The following C12orf50 variants were observed in gnomAD, a reference collection of about 807,000 sequenced individuals.
The protein encoded by C12orf50 is uncharacterized protein C12orf50.
C12orf50 carries 35 observed loss-of-function variants against 61.6 expected under a neutral mutation model. The observed-to-expected ratio is 0.57, with a 90% CI of 0.43 to 0.75. The LOEUF is 0.75. Among genes scored for constraint, C12orf50 ranks in the 30% least tolerant of loss-of-function variants. The pLI, the probability that C12orf50 is intolerant of heterozygous loss-of-function variation, is 0.00. For synonymous variants in C12orf50, 178 were observed against 161.5 expected (o/e 1.10, Z -0.77); for missense variants, 475 against 488.5 (o/e 0.97, Z 0.26).
chr12:88,004,462 A>C (rs1339760539), intron 3 of C12orf50, among the ~76,000 whole-genome samples: 1 of 152,254 alleles, frequency 6.6e-6, no homozygotes, highest in African/African-American at 2.4e-5. Context: ...ATGTAAAATT[A>C]GTTCAGCCAT....
intron 3 of C12orf50, among the ~76,000 whole-genome samples, chr12:88,000,973 T>C (rs1442872521): frequency 6.6e-6 from 1 of 151,856 alleles, no homozygotes; most frequent in Non-Finnish European, 1.5e-5. Context: ...ATAGAGATAA[T>C]GTTGCTCTTT....
At chr12:87,994,581 C>A (rs2031294581) in intron 7 of C12orf50, 52 bp downstream of exon 7, 7 of 1,219,440 alleles carry the variant, frequency 5.7e-6, no homozygotes, top group Non-Finnish European at 8.3e-6. Flanking sequence ...AATTCAGACT[C>A]ATTTATTATG....
At chr12:88,024,332 T>A (rs1266425089) in intron 3 of C12orf50, among the ~76,000 whole-genome samples, 1 of 152,210 alleles carries the variant, frequency 6.6e-6, no homozygotes, top group Non-Finnish European at 1.5e-5. Flanking sequence ...TGTACCTGCA[T>A]GTTCATCACA....
rs1415318316 is a variant in C12orf50 at position 87,983,174 on chromosome 12, T to C, written c.1148A>G (p.Tyr383Cys). 4 of 1,601,318 alleles carry C rather than the reference T, an allele frequency of 2.5e-6. No individual in the cohort carries two copies. The highest frequency in any genetic ancestry group is 1.1e-5 in the South Asian group (1 of 88,984). The change falls in exon 12 of 13, where the codon TAT becomes TGT. Residue 383 changes from tyrosine to cysteine, a missense_variant. Physicochemically the swap from Tyr to Cys is radical, Grantham distance 194 (BLOSUM62 -2). Coordinates refer to ENST00000298699, the MANE Select transcript of C12orf50 (RefSeq NM_152589.3). ...TCGTTTTCGCCAGGCTGAATCATTA[T>C]ATGATGTTGACGTATATTTGTCTGA... ...LSPDKYTSTS[Y>C]NDSAWRKRIP...
At chr12:88,002,268 C>T (rs923932091) in intron 3 of C12orf50, among the ~76,000 whole-genome samples, 1 of 151,696 alleles carries the variant, frequency 6.6e-6, no homozygotes, top group South Asian at 2.1e-4. Flanking sequence ...TACATGTGTG[C>T]TATTTAATTT....
chr12:88,018,708 G>A (rs1478917202), intron 3 of C12orf50, among the ~76,000 whole-genome samples: 1 of 152,196 alleles, frequency 6.6e-6, no homozygotes, highest in Non-Finnish European at 1.5e-5. Context: ...CAAGACCATG[G>A]GACCCCACCT....
intron 3 of C12orf50, among the ~76,000 whole-genome samples, chr12:88,021,351 G>A (rs1386862584): frequency 1.3e-5 from 2 of 151,828 alleles, no homozygotes; most frequent in Non-Finnish European, 2.9e-5. Flanking sequence ...AAATGACAAA[G>A]GGAGGCCAGC....
intron 3 of C12orf50, among the ~76,000 whole-genome samples, chr12:88,011,517 G>A (rs1341797115): frequency 6.6e-6 from 1 of 152,082 alleles, no homozygotes; most frequent in African/African-American, 2.4e-5. Context: ...AAACAATTGA[G>A]TATTAATCTG....
rs939242815 is a variant in C12orf50 at position 87,989,523 on chromosome 12, C to T, written c.593-152G>A. The T allele has an allele frequency of 5.3e-6, 3 of 566,068 alleles. No individual in the cohort carries two copies. In the South Asian group the frequency reaches 7.0e-5, roughly 13 times the overall value. 35.1% of individuals were successfully genotyped at this position (566,068 alleles called of 1,614,324 possible). ...ATATCCATCTCCATACATTTATATG[C>T]TTAGATTAATACATGAGTATTAATA... On this transcript the variant is annotated intron_variant, in intron 7 of 12. Transcript: ENST00000298699.
In C12orf50 at chr12:87,996,577, T is replaced by C; in HGVS notation, c.359A>G (p.Tyr120Cys). The change falls in exon 5 of 13, where the codon TAT (tyrosine) becomes TGT (cysteine). Residue 120 changes from tyrosine to cysteine, a missense_variant. Physicochemically the swap from Tyr to Cys is radical, Grantham distance 194. Coordinates refer to ENST00000298699, the MANE Select transcript of C12orf50 (RefSeq NM_152589.3). The part of the protein sequence containing the change: ...EEKRAIKEMC[Y>C]KSGEYYRFHT... ...AATGTTTGATTTCTTACCAGATTTA[T>C]AACACATCTCCTTTATTGCTCTTTT... 6.2e-7 allele frequency: 1 copy of C among 1,608,282 alleles called. No homozygotes were observed.
chr12:88,010,652 T>G (rs2032074546), intron 3 of C12orf50, among the ~76,000 whole-genome samples: 1 of 151,704 alleles, frequency 6.6e-6, no homozygotes, highest in Admixed American at 6.6e-5. Flanking sequence ...AAAAATGTTG[T>G]AGTGGATATT....
At chr12:88,027,157 T>C (rs2032738943) in intron 1 of C12orf50, 87 bp from the exon 2 acceptor site, 8 of 1,306,112 alleles carry the variant, frequency 6.1e-6, no homozygotes, top group Non-Finnish European at 8.2e-6. Flanking sequence ...TTAAACGAAA[T>C]ATGAGTAGAT....
Position 87,983,172 on chromosome 12 carries a change from T to G in C12orf50, c.1150A>C (p.Asn384His). 1 of 1,601,636 alleles carries G rather than the reference T, an allele frequency of 6.2e-7. No homozygotes were observed. Among genetic ancestry groups the G allele is most frequent in the Non-Finnish European group, 8.5e-7 (1 of 1,172,896 alleles). Residue 384 changes from asparagine to histidine, a missense_variant, in exon 12 of 13, where the codon AAT becomes CAT. Physicochemically the swap from Asn to His is moderately conservative, Grantham distance 68. Coordinates refer to ENST00000298699, the MANE Select transcript of C12orf50 (RefSeq NM_152589.3). ...ATTCGTTTTCGCCAGGCTGAATCAT[T>G]ATATGATGTTGACGTATATTTGTCT... ...SPDKYTSTSYNDSAWRKRIPF... is the reference protein window; with the variant it reads ...SPDKYTSTSYHDSAWRKRIPF...
intron 1 of C12orf50, chr12:88,028,007 A>G (rs2032769884): frequency 6.6e-6 from 1 of 152,212 alleles, no homozygotes; most frequent in Non-Finnish European, 1.5e-5. Flanking sequence ...ATTGTCACAA[A>G]GTTAATACTT....
intron 3 of C12orf50, among the ~76,000 whole-genome samples, chr12:88,002,010 A>G (rs374930004): frequency 6.6e-6 from 1 of 151,432 alleles, no homozygotes; most frequent in East Asian, 1.9e-4. Flanking sequence ...TTCCTGCTTT[A>G]ATTTTTATTA....
Position 87,986,073 on chromosome 12 carries a change from G to C in C12orf50, c.923-20C>G, listed in dbSNP as rs375986894. 5.7e-5 allele frequency: 91 copies of C among 1,607,620 alleles called. No homozygotes were observed. The highest frequency in any genetic ancestry group is 7.6e-5 in the Non-Finnish European group (89 of 1,174,534). On this transcript the variant is annotated intron_variant, in intron 10 of 12. Coordinates refer to ENST00000298699, the MANE Select transcript of C12orf50 (RefSeq NM_152589.3). The stretch of plus-strand genomic sequence containing the variant: ...GTACTGCTGTAAAGAAAGGTGGGAG[G>C]GAGTGAGGAATAAAACAGGCTGGTT...
intron 3 of C12orf50, among the ~76,000 whole-genome samples, chr12:88,026,258 G>A (rs2032702926): frequency 6.6e-6 from 1 of 152,148 alleles, no homozygotes; most frequent in Admixed American, 6.5e-5. Flanking sequence ...ATCCATTTTA[G>A]ATACACATAG....
intron 3 of C12orf50, among the ~76,000 whole-genome samples, chr12:88,025,422 G>A (rs893527315): frequency 2.0e-5 from 3 of 152,122 alleles, no homozygotes; most frequent in Admixed American, 6.5e-5. Context: ...GGCAATGGAG[G>A]TTTAAGGAGA....
intron 12 of C12orf50, among the ~76,000 whole-genome samples, chr12:87,981,273 A>G (rs1173853491): frequency 6.6e-6 from 1 of 151,974 alleles, no homozygotes; most frequent in East Asian, 1.9e-4. Flanking sequence ...AACAGGAGAG[A>G]ATGGTTGTGG....
Sources: allele counts gnomAD v4.1 joint callset (sites outside exome capture counted in the v4.1 genomes callset), GRCh38; gene constraint gnomAD v4.1.1; transcripts MANE v1.5; gene names NCBI Gene and HGNC (gene_info 2026-07-23, HGNC 2026-07-21).